Variants in PEMT observed in about 807,000 individuals in gnomAD.
PEMT encodes the protein phospholipid methyltransferase.
Under a neutral mutation model 27.4 loss-of-function variants are expected in PEMT, and 23 were observed. That is an observed-to-expected ratio of 0.84 (90% CI 0.60 to 1.19). The LOEUF is 1.19. Among genes scored for constraint, PEMT ranks in the 50% most tolerant of loss-of-function variants. PEMT has a pLI of 0.00. For missense variants in PEMT, 307 were observed against 310.1 expected (o/e 0.99, Z 0.07); for synonymous variants, 137 against 139.1 (o/e 0.98, Z 0.11).
intron 4 of PEMT, among the ~76,000 whole-genome samples, chr17:17,510,992 C>T (rs938168312): frequency 6.6e-6 from 1 of 152,174 alleles, no homozygotes; most frequent in African/African-American, 2.4e-5. Flanking sequence ...CTGAGCCCCA[C>T]CTCTGATCCT....
At chr17:17,571,316 G>A (rs1911179020) in intron 2 of PEMT, among the ~76,000 whole-genome samples, 1 of 152,146 alleles carries the variant, frequency 6.6e-6, no homozygotes, top group Non-Finnish European at 1.5e-5. Context: ...TGGCGCACAG[G>A]AAGGCCGGTC....
Position 17,513,679 on chromosome 17 carries a change from C to T in PEMT, c.321-1025G>A, listed in dbSNP as rs545535427. On this transcript the variant is annotated intron_variant, in intron 3 of 6. Coordinates refer to ENST00000255389, the MANE Select transcript of PEMT (RefSeq NM_148172.3). This position sits in a 1 kb window ranked among gnomAD's most constrained non-coding sequence, Gnocchi z 4.1. The stretch of plus-strand genomic sequence containing the variant: ...GAGGCTCAGGTTCTCCAGTTGGCTC[C>T]GGAGAACTGAGGGGCTGGTGCAGGG... Among the ~76,000 whole-genome samples, 36 of 152,182 alleles carry T rather than the reference C, an allele frequency of 2.4e-4. No homozygotes were observed. Among genetic ancestry groups the T allele is most frequent in the African/African-American group, 7.7e-4 (32 of 41,518 alleles).
intron 2 of PEMT, among the ~76,000 whole-genome samples, chr17:17,531,000 G>A (rs1908048175): frequency 6.7e-6 from 1 of 148,748 alleles, no homozygotes; most frequent in Admixed American, 6.7e-5. Flanking sequence ...CCGAGATGGT[G>A]CCACTGCATT....
chr17:17,556,520 C>T (rs954177634), intron 2 of PEMT, among the ~76,000 whole-genome samples: 3 of 152,018 alleles, frequency 2.0e-5, no homozygotes, highest in South Asian at 2.1e-4. Context: ...ATTACAGGCA[C>T]GTGCCACCAC....
chr17:17,516,841 C>T (rs1258571060), intron 3 of PEMT, among the ~76,000 whole-genome samples: 1 of 152,162 alleles, frequency 6.6e-6, no homozygotes, highest in Admixed American at 6.5e-5. Context: ...TAAGTGTCCC[C>T]CCACCCCTTA....
chr17:17,587,089 A>G (rs1912354294), intron 1 of PEMT, among the ~76,000 whole-genome samples: 2 of 152,132 alleles, frequency 1.3e-5, no homozygotes, highest in East Asian at 1.9e-4. Flanking sequence ...GCAAAAATCA[A>G]TCAAATTGAA....
chr17:17,576,861 G>T, intron 2 of PEMT, 59 bp downstream of exon 2: 1 of 1,368,662 alleles, frequency 7.3e-7, no homozygotes, highest in Non-Finnish European at 1.0e-6. Context: ...TCCCCTGCAT[G>T]TGGGGCTCAC....
rs1014100366 is a variant in PEMT at position 17,576,848 on chromosome 17, C to T, written c.204+72G>A. 22 of 1,245,134 alleles carry T rather than the reference C, an allele frequency of 1.8e-5. No individual in the cohort carries two copies. In the African/African-American group the frequency reaches 2.1e-4, roughly 12 times the overall value. 77.1% of individuals were successfully genotyped at this position (1,245,134 alleles called of 1,614,324 possible). The stretch of plus-strand genomic sequence containing the variant: ...TCTGGCCAGCCAGCAGCAACCACCG[C>T]GATCCCCTGCATGTGGGGCTCACCA... On this transcript the variant is annotated intron_variant, in intron 2 of 6. Coordinates refer to ENST00000255389, the MANE Select transcript of PEMT (RefSeq NM_148172.3).
At chr17:17,534,018 A>G (rs1430743867) in intron 2 of PEMT, among the ~76,000 whole-genome samples, 10 of 152,100 alleles carry the variant, frequency 6.6e-5, no homozygotes, top group African/African-American at 2.4e-4. Flanking sequence ...GAGCCACTGC[A>G]TCCAGCCCAG....
intron 2 of PEMT, among the ~76,000 whole-genome samples, chr17:17,527,000 G>A (rs938655940): frequency 8.5e-5 from 13 of 152,148 alleles, no homozygotes; most frequent in African/African-American, 3.1e-4. Flanking sequence ...AATTTCCTAC[G>A]CATCCTTGAA....
rs1906181455 is a variant in PEMT at position 17,509,515 on chromosome 17, C to G, written c.497G>C (p.Arg166Thr). 6.2e-7 allele frequency: 1 copy of G among 1,613,788 alleles called. No homozygotes were observed. The highest frequency in any genetic ancestry group is 8.5e-7 in the Non-Finnish European group (1 of 1,179,820). Residue 166 changes from arginine (R) to threonine (T), a missense_variant, in exon 5 of 7, where the codon AGA (arginine) becomes ACA (threonine). By Grantham distance (71) the Arg-to-Thr change is moderately conservative (BLOSUM62 -1). Coordinates refer to ENST00000255389, the MANE Select transcript of PEMT (RefSeq NM_148172.3). Reference protein sequence around the residue: ...GDYFGILKEARVTVFPFNILD... With the variant: ...GDYFGILKEATVTVFPFNILD... ...GATGTTGAAGGGGAACACGGTCACT[C>G]TCGCCTCCTTGAGGATCCCGAAGTA... is the stretch of plus-strand genomic sequence containing the variant.
intron 2 of PEMT, among the ~76,000 whole-genome samples, chr17:17,564,602 C>A (rs1244388679): frequency 6.6e-6 from 1 of 152,126 alleles, no homozygotes; most frequent in Non-Finnish European, 1.5e-5. Flanking sequence ...TCACAGAAAC[C>A]CCCAAACCTC....
Position 17,505,809 on chromosome 17 carries a change from C to A in PEMT, c.693G>T (p.Gly231=). The stretch of plus-strand genomic sequence containing the variant: ...AGCTCAATCAGCTCCTCTTGTGGGA[C>A]CCGGAGGCTTTCTGCCGGTAGATCT... ...TAEIYRQKAS[G]SHKRS is the part of the protein sequence containing the mutation. Residue 231 remains glycine (G), a synonymous_variant, in exon 7 of 7, where the codon GGG becomes GGT. Coordinates refer to ENST00000255389, the MANE Select transcript of PEMT (RefSeq NM_148172.3). The A allele has an allele frequency of 6.2e-7, 1 of 1,611,486 alleles. No homozygotes were observed. The highest frequency in any genetic ancestry group is 8.5e-7 in the Non-Finnish European group (1 of 1,178,670).
intron 1 of PEMT, among the ~76,000 whole-genome samples, chr17:17,588,719 C>T (rs554088428): frequency 5.3e-5 from 8 of 152,326 alleles, no homozygotes; most frequent in South Asian, 2.1e-4. Flanking sequence ...TGCCCGCACC[C>T]CTAGGCCCTA....
At chr17:17,591,746 T>G, upstream of PEMT, 4 of 1,457,944 alleles carry the variant, frequency 2.7e-6, no homozygotes, top group Middle Eastern at 7.1e-4. Context: ...ACCCCCAACA[T>G]ATTCCGGCCT....
intron 6 of PEMT, 41 bp downstream of exon 6, chr17:17,506,186 G>A: frequency 6.9e-7 from 1 of 1,447,296 alleles, no homozygotes. Flanking sequence ...GACAGGGCCA[G>A]TCGGGCAGCC....
At chr17:17,537,965 G>A (rs1908602364) in intron 2 of PEMT, among the ~76,000 whole-genome samples, 1 of 152,236 alleles carries the variant, frequency 6.6e-6, no homozygotes, top group Admixed American at 6.5e-5. Flanking sequence ...GGGAAGATCA[G>A]GGCAGAAATC....
At chr17:17,525,535 G>T (rs1361191719) in intron 2 of PEMT, among the ~76,000 whole-genome samples, 2 of 152,224 alleles carry the variant, frequency 1.3e-5, no homozygotes, top group Non-Finnish European at 2.9e-5. Context: ...TTAGTAGGCA[G>T]CGGCGTGGCC....
intron 2 of PEMT, among the ~76,000 whole-genome samples, chr17:17,535,065 T>C (rs1422905871): frequency 6.6e-6 from 1 of 151,816 alleles, no homozygotes; most frequent in Non-Finnish European, 1.5e-5. Context: ...TGTGCGCCCC[T>C]ATGCCTGGTT....
Sources: gnomAD v4.1 joint callset for allele counts (sites outside exome capture counted in the v4.1 genomes callset) on GRCh38, gnomAD v4.1.1 for gene constraint, Gnocchi (gnomAD v3.1) non-coding constraint, MANE v1.5 for transcripts, NCBI Gene and HGNC (gene_info 2026-07-23, HGNC 2026-07-21) for gene names.